MCTP1: variants seen among roughly 807,000 people sequenced by gnomAD.
MCTP1 encodes multiple C2 and transmembrane domain containing 1.
Under a neutral mutation model 120.6 loss-of-function variants are expected in MCTP1, and 69 were observed. The ratio of observed to expected loss-of-function variants is 0.57; its 90% CI spans 0.47 to 0.70. The LOEUF is 0.70. Ranked by LOEUF, MCTP1 falls within the 30% of genes least tolerant of loss-of-function variation. The probability of loss-of-function intolerance (pLI) is 0.00; values close to 1 mark genes in which losing one functional copy is unlikely to be tolerated. For synonymous variants in MCTP1, 529 were observed against 493.1 expected, an observed-to-expected ratio of 1.07 and a Z score of -0.96; for missense variants, 1,203 against 1,248.8, an observed-to-expected ratio of 0.96 and a Z score of 0.55.
intron 1 of MCTP1, among the ~76,000 whole-genome samples, chr5:95,168,382 C>G (rs1251375148): frequency 6.6e-6 from 1 of 152,094 alleles, no homozygotes; most frequent in Non-Finnish European, 1.5e-5. Flanking sequence ...AATGTGGGCT[C>G]TTTTTTGGTT....
chr5:94,987,323 G>A (rs539596506), intron 2 of MCTP1, among the ~76,000 whole-genome samples: 4 of 152,226 alleles, frequency 2.6e-5, no homozygotes, highest in Non-Finnish European at 5.9e-5. Flanking sequence ...AGGGTACTGT[G>A]GTACAGAGCT....
rs1351579042 is a variant in MCTP1, at chr5:94,706,414, A to G, written c.*1082T>C. The G allele has an allele frequency of 2.7e-5, 4 of 147,764 alleles. No individual in the cohort carries two copies. Among genetic ancestry groups the G allele is most frequent in the Non-Finnish European group, 4.5e-5 (3 of 67,410 alleles). 9.2% of individuals were successfully genotyped at this position (147,764 alleles called of 1,614,324 possible). A position where few individuals can be genotyped will look rare whatever the true frequency, so the allele number is the denominator to read the frequency against. On this transcript the variant is annotated 3_prime_UTR_variant, in exon 23 of 23. Coordinates refer to ENST00000515393, the MANE Select transcript of MCTP1 (RefSeq NM_024717.7). ...CCCCAAGCAGTTTATTTTATTTTAC[A>G]AAACAGGTTTTCATGCATAATCAAG...
rs61324420 is a variant in MCTP1, at chr5:94,826,772, CTTTTTTTTTTTTTTTTTTTT to C, written c.2437-27660_2437-27641del. 4.9e-4 allele frequency: 21 copies of C among 43,004 alleles called. 1 individual carries two copies. Among genetic ancestry groups the C allele is most frequent in the South Asian group, 2.2e-3 (2 of 922 alleles). The allele number at this position is 43,004 out of a possible 1,614,324, so 2.7% of individuals were successfully genotyped here. On this transcript the variant is annotated intron_variant, in intron 17 of 22. Transcript: ENST00000515393. ...TCAGAGAGTAGGGTTGTGACCCCTG[CTTTTTTTTTTTTTTTTTTTT>C]TTTTTTTTTTTTTTGCTTTTCATTT...
intron 1 of MCTP1, among the ~76,000 whole-genome samples, chr5:95,108,114 CT>C (rs1757220240): frequency 6.6e-6 from 1 of 152,194 alleles, no homozygotes; most frequent in Non-Finnish European, 1.5e-5. Context: ...GATTAAAAAT[CT>C]GTGCTCGGCA....
At chr5:94,941,305 G>A (rs1248749931) in intron 4 of MCTP1, among the ~76,000 whole-genome samples, 1 of 151,940 alleles carries the variant, frequency 6.6e-6, no homozygotes, top group Non-Finnish European at 1.5e-5. Context: ...TTCCTACAGC[G>A]GCAGGGAGGT....
intron 17 of MCTP1, among the ~76,000 whole-genome samples, chr5:94,858,023 C>T (rs1581063321): frequency 6.6e-6 from 1 of 151,692 alleles, no homozygotes; most frequent in African/African-American, 2.4e-5. Context: ...AATTCAAATA[C>T]ATACACTTTT....
At chr5:95,138,468 G>A (rs932706683) in intron 1 of MCTP1, among the ~76,000 whole-genome samples, 1 of 152,126 alleles carries the variant, frequency 6.6e-6, no homozygotes, top group African/African-American at 2.4e-5. Context: ...AACTAAATTA[G>A]TCGCATACAC....
At chr5:94,910,956 G>A (rs1808405999) in intron 9 of MCTP1, among the ~76,000 whole-genome samples, 1 of 152,274 alleles carries the variant, frequency 6.6e-6, no homozygotes, top group South Asian at 2.1e-4. Context: ...GCCTTAAACA[G>A]ACTAAATTTT....
chr5:94,867,424 T>C (rs1167115322), intron 17 of MCTP1: 4 of 1,093,256 alleles, frequency 3.7e-6, no homozygotes, highest in Admixed American at 2.0e-5. Flanking sequence ...CAGATGTGCA[T>C]ACACTCATTT....
chr5:94,957,140 C>T (rs1822844050), intron 2 of MCTP1, among the ~76,000 whole-genome samples: 1 of 152,170 alleles, frequency 6.6e-6, no homozygotes, highest in Non-Finnish European at 1.5e-5. Context: ...GAATTTCCAA[C>T]TCAGAATTTC....
chr5:95,033,429 C>T (rs991848414), intron 1 of MCTP1, among the ~76,000 whole-genome samples: 62 of 151,964 alleles, frequency 4.1e-4, no homozygotes, highest in Non-Finnish European at 8.8e-5. Context: ...TCCACATACA[C>T]GAATCAATAA....
chr5:94,932,455 A>C (rs1434493056), intron 5 of MCTP1, among the ~76,000 whole-genome samples: 7 of 152,054 alleles, frequency 4.6e-5, no homozygotes, highest in Non-Finnish European at 8.8e-5. Context: ...GGGCCTACAA[A>C]TGCTTTCAAT....
rs138840159 is a variant in MCTP1, at chr5:94,735,103, G to A, written c.2611-20217C>T. Among the ~76,000 whole-genome samples the A allele has an allele frequency of 5.1e-4, 77 of 152,232 alleles. 2 individuals carry two copies. The South Asian group carries it at 0.01, about 20-fold the overall frequency. ...GTTTGGCCAAAGGATTTGTGTTTTT[G>A]TAATTTTGGTACTTACTGCCAAATC... On this transcript the variant is annotated intron_variant, in intron 19 of 22. Coordinates refer to ENST00000515393, the MANE Select transcript of MCTP1 (RefSeq NM_024717.7).
intron 17 of MCTP1, among the ~76,000 whole-genome samples, chr5:94,853,733 T>G (rs1202664821): frequency 2.0e-5 from 3 of 151,948 alleles, no homozygotes; most frequent in African/African-American, 4.8e-5. Context: ...TGCTCTCTGA[T>G]ATCTCAATTA....
chr5:94,743,872 C>T (rs372865293), intron 19 of MCTP1, among the ~76,000 whole-genome samples: 1 of 151,866 alleles, frequency 6.6e-6, no homozygotes, highest in South Asian at 2.1e-4. Context: ...ATCTTCTGAC[C>T]TTGTGATCTG....
rs1247893296 is a variant in MCTP1 at position 94,806,732 on chromosome 5, C to T, written c.2437-7600G>A. Among the ~76,000 whole-genome samples the T allele has an allele frequency of 3.3e-5, 5 of 152,226 alleles. No homozygotes were observed. In the East Asian group the frequency reaches 9.6e-4, roughly 29 times the overall value. On this transcript the variant is annotated intron_variant, in intron 17 of 22. Coordinates refer to ENST00000515393, the MANE Select transcript of MCTP1 (RefSeq NM_024717.7). ...GAAATCTCATCCAAAATGATTAACA[C>T]TTCCTACTGTTCAGGAAAAAAGCCT...
At chr5:94,829,994 T>C (rs889875673) in intron 17 of MCTP1, among the ~76,000 whole-genome samples, 11 of 152,122 alleles carry the variant, frequency 7.2e-5, no homozygotes, top group Non-Finnish European at 1.2e-4. Flanking sequence ...TACCATCTCA[T>C]GGAAAATGCA....
At chr5:95,002,934 CAT>C (rs1478773327) in intron 2 of MCTP1, among the ~76,000 whole-genome samples, 9 of 152,152 alleles carry the variant, frequency 5.9e-5, no homozygotes, top group African/African-American at 1.9e-4. Context: ...ATAATCCCCA[CAT>C]GTCATGGGAG....
intron 20 of MCTP1, among the ~76,000 whole-genome samples, chr5:94,712,715 A>AAG (rs1351325731): frequency 6.6e-6 from 1 of 151,926 alleles, no homozygotes; most frequent in Non-Finnish European, 1.5e-5. Flanking sequence ...TCACCAGGTA[A>AAG]AGGATCATGC....
Sources: allele counts gnomAD v4.1 joint callset (sites outside exome capture counted in the v4.1 genomes callset), GRCh38; gene constraint gnomAD v4.1.1; transcripts MANE v1.5; gene names NCBI Gene and HGNC (gene_info 2026-07-23, HGNC 2026-07-21).